The following EDEM1 variants were observed in gnomAD, a reference collection of about 807,000 sequenced individuals.
EDEM1 encodes the protein ER degradation enhancing alpha-mannosidase like protein 1.
A neutral mutation model predicts 74.4 loss-of-function variants in EDEM1; 67 were observed. That is an observed-to-expected ratio of 0.90 (90% confidence interval 0.74 to 1.10). EDEM1 has a LOEUF of 1.10. Ranked by LOEUF, EDEM1 falls within the 50% of genes least tolerant of loss-of-function variation. The pLI, the probability that EDEM1 is intolerant of heterozygous loss-of-function variation, is 0.00. For missense variants in EDEM1, 926 were observed against 851.6 expected, an observed-to-expected ratio of 1.09 and a Z score of -1.09; for synonymous variants, 382 against 335.9, an observed-to-expected ratio of 1.14 and a Z score of -1.50.
Position 5,195,234 on chromosome 3 carries a change from C to G in EDEM1, c.535C>G (p.Leu179Val). ...DPSNLNINDV[L>V]GNYSLTLVDA... ...TTCAAATCTGAACATCAATGATGTA[C>G]TAGGGAACTACTCATTGACTCTTGT... is the stretch of plus-strand genomic sequence containing the variant. Residue 179 changes from leucine to valine, a missense_variant, in exon 2 of 12, where the codon CTA (leucine) becomes GTA (valine). By Grantham distance (32) the Leu-to-Val change is conservative. Transcript: ENST00000256497. 1 of 1,560,526 alleles carries G rather than the reference C, an allele frequency of 6.4e-7. No individual in the cohort carries two copies. Among genetic ancestry groups the G allele is most frequent in the Non-Finnish European group, 8.7e-7 (1 of 1,152,500 alleles).
chr3:5,202,545 A>G (rs564317318), intron 4 of EDEM1, among the ~76,000 whole-genome samples: 1 of 152,226 alleles, frequency 6.6e-6, no homozygotes, highest in South Asian at 2.1e-4. Flanking sequence ...ATATTCTGGT[A>G]GTGCCTCCTT....
At chr3:5,207,612 T>G (rs1351313713) in intron 7 of EDEM1, among the ~76,000 whole-genome samples, 1 of 152,214 alleles carries the variant, frequency 6.6e-6, no homozygotes, top group Admixed American at 6.5e-5. Flanking sequence ...GTTCAAGAGA[T>G]TCTCCTGCCT....
intron 2 of EDEM1, among the ~76,000 whole-genome samples, chr3:5,197,294 C>G (rs116001761): frequency 6.6e-6 from 1 of 152,244 alleles, no homozygotes; most frequent in Non-Finnish European, 1.5e-5. Context: ...TGAGAAATTC[C>G]GTATGTCTGG....
chr3:5,194,963 C>A, intron 1 of EDEM1: 1 of 303,260 alleles, frequency 3.3e-6, no homozygotes, highest in Non-Finnish European at 6.0e-6. Flanking sequence ...CTCCTGACTT[C>A]CTGTGAGCAT....
rs182642172 is a variant in EDEM1, at chr3:5,207,713, G to A, written c.1339-380G>A. Among the ~76,000 whole-genome samples the A allele has an allele frequency of 2.6e-3, 395 of 152,204 alleles. 1 individual carries two copies. Among genetic ancestry groups the A allele is most frequent in the Non-Finnish European group, 3.9e-3 (263 of 68,018 alleles). On this transcript the variant is annotated intron_variant, in intron 7 of 11. Coordinates refer to ENST00000256497, the MANE Select transcript of EDEM1 (RefSeq NM_014674.3). ...AGTAGAGACGGGGTTTCACTGTGTTGTCCAGGCTGGTCTCGAACTCCAGGC... is the reference window on the plus strand; with the variant it reads ...AGTAGAGACGGGGTTTCACTGTGTTATCCAGGCTGGTCTCGAACTCCAGGC...
chr3:5,210,317 A>G lies in EDEM1; in HGVS notation c.1583+69A>G, dbSNP rs2055152902. 8.4e-6 allele frequency: 12 copies of G among 1,421,436 alleles called. No homozygotes were observed. In the South Asian group the frequency reaches 1.2e-4, roughly 14 times the overall value. The allele number at this position is 1,421,436 out of a possible 1,614,324, so 88.1% of individuals were successfully genotyped here. ...ATTTATTTCAAATTGTTTTGGGGAA[A>G]TATCCTAGTTTGCATTTTAATTTAT... On this transcript the variant is annotated intron_variant, in intron 9 of 11. Transcript: ENST00000256497.
At position 5,203,103 on chromosome 3, in the gene EDEM1, A is replaced by C; in HGVS notation, c.996A>C (p.Ala332=). The change falls in exon 5 of 12, where the codon GCA becomes GCC. Residue 332 remains alanine, a synonymous_variant. Transcript: ENST00000256497. ...DSTFEWVARR[A]VKALWNLRSN... ...CATTTGAGTGGGTGGCCAGACGAGCAGTGAAAGCCCTTTGGAACCTCCGGA... is the reference window on the plus strand; with the variant it reads ...CATTTGAGTGGGTGGCCAGACGAGCCGTGAAAGCCCTTTGGAACCTCCGGA... 2 of 1,609,116 alleles carry C rather than the reference A, an allele frequency of 1.2e-6. No individual in the cohort carries two copies. The highest frequency in any genetic ancestry group is 1.7e-6 in the Non-Finnish European group (2 of 1,177,892).
In EDEM1 at chr3:5,201,833, A is replaced by G; in HGVS notation, c.767A>G (p.Tyr256Cys). 6.2e-7 allele frequency: 1 copy of G among 1,614,230 alleles called. No homozygotes were observed. The highest frequency in any genetic ancestry group is 8.5e-7 in the Non-Finnish European group (1 of 1,180,044). ...TTTGGTGACATGACAATTAAGGACT[A>G]TGATAATGAGTTGTTATACATGGCC... ...QPFGDMTIKD[Y>C]DNELLYMAHD... is the part of the protein sequence containing the mutation. The change falls in exon 4 of 12, where the codon TAT becomes TGT. Residue 256 changes from tyrosine to cysteine, a missense_variant. Tyr to Cys is a radical substitution (Grantham distance 194). Coordinates refer to ENST00000256497, the MANE Select transcript of EDEM1 (RefSeq NM_014674.3).
Position 5,187,839 on chromosome 3 carries a change from C to A in EDEM1, c.34C>A (p.Leu12Ile). 1 of 1,591,086 alleles carries A rather than the reference C, an allele frequency of 6.3e-7. No homozygotes were observed. The highest frequency in any genetic ancestry group is 1.4e-5 in the African/African-American group (1 of 72,696). The change falls in exon 1 of 12, where the codon CTC (leucine) becomes ATC (isoleucine). Residue 12 changes from leucine (L) to isoleucine (I), a missense_variant. Coordinates refer to ENST00000256497, the MANE Select transcript of EDEM1 (RefSeq NM_014674.3). Reference protein sequence around the residue: ...QWRALVLGLVLLRLGLHGVLW... With the variant: ...QWRALVLGLVILRLGLHGVLW... ...GCGAGCGCTCGTCCTGGGGCTGGTG[C>A]TCCTCCGGCTTGGCCTCCATGGAGT... is the stretch of plus-strand genomic sequence containing the variant.
At position 5,216,218 on chromosome 3, in the gene EDEM1, A is replaced by C. The variant is rs566723885; in HGVS notation, c.*300A>C. On this transcript the variant is annotated 3_prime_UTR_variant, in exon 12 of 12. Transcript: ENST00000256497. ...GGGGCATCTTTGGATTGATGTTCAC[A>C]GCTTTATACTTCAGAACCTAAGTCT... 7.2e-5 allele frequency: 26 copies of C among 359,194 alleles called. No homozygotes were observed. The highest frequency in any genetic ancestry group is 4.9e-4 in the African/African-American group (23 of 47,082). 22.3% of individuals were successfully genotyped at this position (359,194 alleles called of 1,614,324 possible).
intron 2 of EDEM1, among the ~76,000 whole-genome samples, chr3:5,195,683 C>G (rs1168351728): frequency 1.3e-5 from 2 of 152,226 alleles, no homozygotes; most frequent in East Asian, 3.8e-4. Flanking sequence ...CTGGCTCCCC[C>G]AGGAGCAAGT....
rs1481574761 is a variant in EDEM1 at position 5,196,925 on chromosome 3, CT to C, written c.582+1648del. On this transcript the variant is annotated intron_variant, in intron 2 of 11. Coordinates refer to ENST00000256497, the MANE Select transcript of EDEM1 (RefSeq NM_014674.3). Reference sequence around the variant, plus strand: ...TGTCATCGTCGTCGTCTTTTCTTTTCTTTTCTTTTCTTTTTTTTTTTTTTGA... The same window carrying C: ...TGTCATCGTCGTCGTCTTTTCTTTTCTTTCTTTTCTTTTTTTTTTTTTTGA... 1.3e-3 allele frequency among the ~76,000 whole-genome samples: 186 copies of C among 146,476 alleles called. 1 individual carries two copies. The highest frequency in any genetic ancestry group is 4.9e-3 in the African/African-American group (182 of 37,062).
chr3:5,196,935 C>CTTTTTTTTT (rs547304238), intron 2 of EDEM1, among the ~76,000 whole-genome samples: 2 of 138,418 alleles, frequency 1.4e-5, no homozygotes, highest in Admixed American at 7.6e-5. Context: ...CTTTTCTTTT[C>CTTTTTTTTT]TTTTTTTTTT....
At chr3:5,209,789 C>T (rs1459349118) in intron 8 of EDEM1, among the ~76,000 whole-genome samples, 1 of 152,176 alleles carries the variant, frequency 6.6e-6, no homozygotes, top group Admixed American at 6.5e-5. Flanking sequence ...CGGCAAGGTC[C>T]TCTTTCCTGT....
chr3:5,203,227 C>T (rs1483764404), intron 5 of EDEM1, 78 bp downstream of exon 5: 15 of 1,376,174 alleles, frequency 1.1e-5, no homozygotes, highest in African/African-American at 1.5e-5. Context: ...GGCTCTGCCC[C>T]CTTTTTACTC....
chr3:5,204,051 T>G (rs1202225133), intron 5 of EDEM1, among the ~76,000 whole-genome samples: 1 of 152,214 alleles, frequency 6.6e-6, no homozygotes, highest in Non-Finnish European at 1.5e-5. Flanking sequence ...TTTTAACTCA[T>G]GTAACTGTCT....
In EDEM1 at chr3:5,211,130, G is replaced by C. The variant is rs1427262025; in HGVS notation, c.1594G>C (p.Ala532Pro). 6.2e-7 allele frequency: 1 copy of C among 1,613,962 alleles called. No homozygotes were observed. The highest frequency in any genetic ancestry group is 8.5e-7 in the Non-Finnish European group (1 of 1,180,004). Residue 532 changes from alanine to proline, a missense_variant, in exon 10 of 12, where the codon GCC becomes CCC. Physicochemically the swap from Ala to Pro is conservative, Grantham distance 27. Transcript: ENST00000256497. ...ATGATTGTTTTGTAGGTGTGGGTAC[G>C]CCACGCTGCATCACGTCATTGACAA... ...EKYTKVKCGY[A>P]TLHHVIDKST...
At position 5,211,122 on chromosome 3, in the gene EDEM1, G is replaced by A. The variant is rs935323615; in HGVS notation, c.1586G>A (p.Cys529Tyr). The change falls in exon 10 of 12, where the codon TGT (cysteine) becomes TAT (tyrosine). Residue 529 changes from cysteine to tyrosine, a missense_variant and splice_region_variant. By Grantham distance (194) the Cys-to-Tyr change is radical. Transcript: ENST00000256497. ...CTGACCAGATGATTGTTTTGTAGGT[G>A]TGGGTACGCCACGCTGCATCACGTC... is the stretch of plus-strand genomic sequence containing the variant. ...QSLEKYTKVK[C>Y]GYATLHHVID... 1.2e-6 allele frequency: 2 copies of A among 1,613,994 alleles called. No individual in the cohort carries two copies. Among genetic ancestry groups the A allele is most frequent in the Non-Finnish European group, 1.7e-6 (2 of 1,180,034 alleles).
intron 1 of EDEM1, among the ~76,000 whole-genome samples, chr3:5,190,411 T>G (rs1031138763): frequency 7.2e-5 from 11 of 152,308 alleles, no homozygotes; most frequent in Admixed American, 2.6e-4. Context: ...GGAGAGTGAG[T>G]TGATGACATT....
Sources: gnomAD v4.1 joint callset for allele counts (sites outside exome capture counted in the v4.1 genomes callset) on GRCh38, gnomAD v4.1.1 for gene constraint, MANE v1.5 for transcripts, NCBI Gene and HGNC (gene_info 2026-07-23, HGNC 2026-07-21) for gene names.